The following SLC41A3 variants were observed in gnomAD, a reference collection of about 807,000 sequenced individuals.
The protein encoded by SLC41A3 is SLC41A1-like 2.
SLC41A3 carries 44 observed loss-of-function variants against 45.4 expected under a neutral mutation model. That is an observed-to-expected ratio of 0.97 (90% CI 0.76 to 1.25). The LOEUF is 1.25. Ranked by LOEUF, SLC41A3 falls within the 50% of genes most tolerant of loss-of-function variation. The pLI, the probability that SLC41A3 is intolerant of heterozygous loss-of-function variation, is 0.00. For missense variants in SLC41A3, 550 were observed against 600.6 expected (o/e 0.92, Z 0.88); for synonymous variants, 256 against 252.4 (o/e 1.01, Z -0.13).
upstream of SLC41A3, among the ~76,000 whole-genome samples, chr3:126,087,722 C>T (rs1210538806): frequency 6.6e-6 from 1 of 151,246 alleles, no homozygotes; most frequent in African/African-American, 2.4e-5. Flanking sequence ...ATATTTAGGA[C>T]AGAACAGAAA....
intron 1 of SLC41A3, among the ~76,000 whole-genome samples, chr3:126,091,371 A>T (rs1256743015): frequency 1.3e-5 from 2 of 152,114 alleles, no homozygotes; most frequent in Non-Finnish European, 2.9e-5. Flanking sequence ...AAGACAACAC[A>T]TGAAAGATTT....
chr3:126,047,273 A>G (rs1943027279), intron 3 of SLC41A3, among the ~76,000 whole-genome samples: 1 of 151,722 alleles, frequency 6.6e-6, no homozygotes, highest in Admixed American at 6.6e-5. Flanking sequence ...TGAGGTGCGA[A>G]GATCACTTGA....
intron 3 of SLC41A3, among the ~76,000 whole-genome samples, chr3:126,039,456 T>A (rs932942888): frequency 6.6e-6 from 1 of 152,212 alleles, no homozygotes; most frequent in Non-Finnish European, 1.5e-5. Context: ...AGATTGTGCA[T>A]TTTGAGGTAG....
intron 1 of SLC41A3, among the ~76,000 whole-genome samples, chr3:126,093,552 G>A (rs1945535192): frequency 6.6e-6 from 1 of 152,248 alleles, no homozygotes; most frequent in Non-Finnish European, 1.5e-5. Context: ...GGAGTCTGTG[G>A]ACCCTTGCCA....
At chr3:126,015,344 C>T (rs1456002791) in intron 8 of SLC41A3, 150 bp downstream of exon 8, 2 of 703,294 alleles carry the variant, frequency 2.8e-6, no homozygotes. Context: ...GCTCCAGCAT[C>T]CCTGTAAGGC....
chr3:126,025,097 CCT>C (rs112195649), intron 5 of SLC41A3: 7 of 152,296 alleles, frequency 4.6e-5, no homozygotes, highest in African/African-American at 1.4e-4. Flanking sequence ...ATTGTCTGCC[CCT>C]GAGCTAGAAT....
At chr3:126,055,913 G>A (rs1943629061) in intron 2 of SLC41A3, among the ~76,000 whole-genome samples, 1 of 152,088 alleles carries the variant, frequency 6.6e-6, no homozygotes, top group Non-Finnish European at 1.5e-5. Flanking sequence ...CTGCCCACAG[G>A]GACCACAGCA....
intron 9 of SLC41A3, among the ~76,000 whole-genome samples, chr3:126,009,606 T>G (rs1039332981): frequency 6.6e-6 from 1 of 152,216 alleles, no homozygotes; most frequent in Non-Finnish European, 1.5e-5. Flanking sequence ...TCCATTTGCC[T>G]CTGAGTTAAT....
intron 3 of SLC41A3, among the ~76,000 whole-genome samples, chr3:126,039,209 C>A (rs1009067780): frequency 1.3e-5 from 2 of 152,238 alleles, no homozygotes; most frequent in African/African-American, 2.4e-5. Context: ...TGGGCTAACA[C>A]AGTCACCAAA....
At chr3:126,040,475 C>T (rs982543358) in intron 3 of SLC41A3, among the ~76,000 whole-genome samples, 7 of 152,112 alleles carry the variant, frequency 4.6e-5, no homozygotes, top group Admixed American at 3.3e-4. Context: ...CAGAGGTAGT[C>T]CTGGGGATAA....
intron 2 of SLC41A3, among the ~76,000 whole-genome samples, chr3:126,059,428 C>G (rs1943939138): frequency 6.6e-6 from 1 of 152,072 alleles, no homozygotes; most frequent in African/African-American, 2.4e-5. Flanking sequence ...CCGTAACACT[C>G]AGTCACTGCA....
At chr3:126,079,842 G>A (rs6438968) in intron 1 of SLC41A3, among the ~76,000 whole-genome samples, 100,196 of 152,092 alleles carry the variant, frequency 0.66, 33,316 homozygotes, top group Middle Eastern at 0.73. Flanking sequence ...CTACAAAGCT[G>A]TAGTAACCAA....
At position 126,063,888 on chromosome 3, in the gene SLC41A3, G is replaced by A. The variant is rs536944691; in HGVS notation, c.273+4059C>T. On this transcript the variant is annotated intron_variant, in intron 2 of 10. Coordinates refer to ENST00000360370, the MANE Select transcript of SLC41A3 (RefSeq NM_017836.4). The stretch of plus-strand genomic sequence containing the variant: ...CACTTCAACTCCGATGAAGTGACAG[G>A]TGGCAAGGTGACCTCCACTGGGTGT... Among the ~76,000 whole-genome samples, 138 of 146,366 alleles carry A rather than the reference G, an allele frequency of 9.4e-4. 2 individuals are homozygous for A. Among genetic ancestry groups the A allele is most frequent in the African/African-American group, 3.2e-3 (128 of 39,938 alleles).
intron 2 of SLC41A3, among the ~76,000 whole-genome samples, chr3:126,060,836 C>A (rs896994329): frequency 1.3e-5 from 2 of 152,188 alleles, no homozygotes; most frequent in South Asian, 2.1e-4. Context: ...CTTCTCTGGG[C>A]CTCCAACCCA....
At chr3:126,022,975 G>C (rs780577775) in intron 5 of SLC41A3, 43 bp from the exon 6 acceptor site, 1 of 1,611,092 alleles carries the variant, frequency 6.2e-7, no homozygotes, top group Admixed American at 1.7e-5. Context: ...AAATCCCAGG[G>C]AGCCAGATGG....
chr3:126,056,043 T>C (rs527808059), intron 2 of SLC41A3, among the ~76,000 whole-genome samples: 8 of 152,086 alleles, frequency 5.3e-5, no homozygotes, highest in Non-Finnish European at 1.2e-4. Context: ...CACTGGTGAG[T>C]GGCAGACTCT....
rs745677827 is a variant in SLC41A3, at chr3:126,068,167, C to A, written c.53G>T (p.Gly18Val). 1.3e-5 allele frequency: 20 copies of A among 1,590,786 alleles called. No individual in the cohort carries two copies. Among genetic ancestry groups the A allele is most frequent in the Non-Finnish European group, 1.7e-5 (20 of 1,168,928 alleles). Residue 18 changes from glycine to valine, a missense_variant, in exon 2 of 11, where the codon GGG becomes GTG. Coordinates refer to ENST00000360370, the MANE Select transcript of SLC41A3 (RefSeq NM_017836.4). ...GAGGGGGTGAGGAAGCCCCAGCTCC[C>A]CTGGCTTGCCACAGCTGTCCAGCCT... ...QRRLDSCGKP[G>V]ELGLPHPLST...
At chr3:126,072,083 T>A (rs1393578162) in intron 1 of SLC41A3, among the ~76,000 whole-genome samples, 1 of 152,032 alleles carries the variant, frequency 6.6e-6, no homozygotes, top group Non-Finnish European at 1.5e-5. Flanking sequence ...GCCCATACTC[T>A]TAAATAAGTA....
intron 1 of SLC41A3, among the ~76,000 whole-genome samples, chr3:126,099,359 A>G (rs1165379225): frequency 6.6e-6 from 1 of 152,190 alleles, no homozygotes; most frequent in African/African-American, 2.4e-5. Flanking sequence ...CAATATATTA[A>G]TATCATTTAG....
Sources: gnomAD v4.1 joint callset for allele counts (sites outside exome capture counted in the v4.1 genomes callset) on GRCh38, gnomAD v4.1.1 for gene constraint, MANE v1.5 for transcripts, NCBI Gene and HGNC (gene_info 2026-07-23, HGNC 2026-07-21) for gene names.